Variants in SLC35F1 observed in about 807,000 individuals in gnomAD.
SLC35F1 encodes chromosome 6 open reading frame 169.
Under a neutral mutation model 48.7 loss-of-function variants are expected in SLC35F1, and 14 were observed. That is an observed-to-expected ratio of 0.29 (90% CI 0.19 to 0.45). The LOEUF is 0.45. Ranked by LOEUF, SLC35F1 falls within the 20% of genes least tolerant of loss-of-function variation. SLC35F1 has a pLI of 1.00. For synonymous variants in SLC35F1, 190 were observed against 202.2 expected, an observed-to-expected ratio of 0.94 and a Z score of 0.51; for missense variants, 404 against 500.0, an observed-to-expected ratio of 0.81 and a Z score of 1.83.
At chr6:118,087,378 G>C (rs1773006865) in intron 1 of SLC35F1, among the ~76,000 whole-genome samples, 2 of 152,058 alleles carry the variant, frequency 1.3e-5, no homozygotes, top group South Asian at 2.1e-4. Flanking sequence ...AGGTACTGGG[G>C]GGCTAGGACT....
chr6:118,127,515 T>A (rs899914697), intron 1 of SLC35F1, among the ~76,000 whole-genome samples: 1 of 152,032 alleles, frequency 6.6e-6, no homozygotes, highest in African/African-American at 2.4e-5. Flanking sequence ...CAGGGAGGAT[T>A]CCTATCTGAT....
At chr6:118,177,281 C>T (rs2114504559) in intron 2 of SLC35F1, among the ~76,000 whole-genome samples, 1 of 152,266 alleles carries the variant, frequency 6.6e-6, no homozygotes, top group East Asian at 1.9e-4. Context: ...AAATTAGATA[C>T]TGTCAAGTAT....
At chr6:118,207,082 G>T (rs905616790) in intron 2 of SLC35F1, among the ~76,000 whole-genome samples, 5 of 152,144 alleles carry the variant, frequency 3.3e-5, no homozygotes, top group Admixed American at 1.3e-4. Context: ...GCAAGAGGTA[G>T]CCTTGAGGTA....
intron 1 of SLC35F1, among the ~76,000 whole-genome samples, chr6:117,986,869 T>C (rs1366357026): frequency 6.6e-6 from 1 of 152,190 alleles, no homozygotes; most frequent in African/African-American, 2.4e-5. Context: ...TCCAGCAGCC[T>C]GTGTTGGGCC....
intron 2 of SLC35F1, among the ~76,000 whole-genome samples, chr6:118,234,273 C>T (rs1014254059): frequency 2.0e-5 from 3 of 152,148 alleles, no homozygotes; most frequent in African/African-American, 7.2e-5. Flanking sequence ...GTGGGCTGGA[C>T]TTATTGACCC....
chr6:117,948,662 C>T (rs1406118201), intron 1 of SLC35F1, among the ~76,000 whole-genome samples: 1 of 152,078 alleles, frequency 6.6e-6, no homozygotes, highest in Non-Finnish European at 1.5e-5. Context: ...ACAAATAATA[C>T]AATTGATAAC....
intron 1 of SLC35F1, among the ~76,000 whole-genome samples, chr6:118,047,348 G>A (rs1051143369): frequency 3.9e-5 from 6 of 152,090 alleles, no homozygotes; most frequent in African/African-American, 1.2e-4. Context: ...GGGCATTCCC[G>A]TCACAAATTT....
intron 1 of SLC35F1, among the ~76,000 whole-genome samples, chr6:117,912,302 A>G (rs1322227589): frequency 7.2e-5 from 11 of 152,242 alleles, no homozygotes; most frequent in Non-Finnish European, 1.5e-4. Context: ...CGTTAAGGAT[A>G]TACATAGAAG....
chr6:117,975,277 G>T (rs540632179), intron 1 of SLC35F1, among the ~76,000 whole-genome samples: 19 of 152,300 alleles, frequency 1.2e-4, no homozygotes, highest in Middle Eastern at 3.4e-3. Flanking sequence ...AAAAAAGTTT[G>T]TTGAAGTTAT....
At chr6:118,302,943 G>T (rs1776270942) in intron 7 of SLC35F1, among the ~76,000 whole-genome samples, 1 of 149,022 alleles carries the variant, frequency 6.7e-6, no homozygotes. Flanking sequence ...TTGCGAGAAG[G>T]TAGCAACTGT....
chr6:117,986,895 A>G (rs75541686), intron 1 of SLC35F1, among the ~76,000 whole-genome samples: 2,714 of 152,258 alleles, frequency 0.018, 32 homozygotes, highest in East Asian at 0.031. Context: ...GGCTTAGTTC[A>G]GTTCCTTATC....
intron 1 of SLC35F1, among the ~76,000 whole-genome samples, chr6:118,126,019 C>A (rs2114411327): frequency 6.6e-6 from 1 of 152,190 alleles, no homozygotes; most frequent in African/African-American, 2.4e-5. Flanking sequence ...TTGGAAGTGA[C>A]ACTGGATTAG....
chr6:118,220,072 A>G (rs1050607809), intron 2 of SLC35F1, among the ~76,000 whole-genome samples: 1 of 152,146 alleles, frequency 6.6e-6, no homozygotes, highest in African/African-American at 2.4e-5. Context: ...AATGTAAATG[A>G]CGAGTAATGG....
intron 6 of SLC35F1, among the ~76,000 whole-genome samples, chr6:118,280,803 G>A (rs963385115): frequency 1.3e-4 from 19 of 151,784 alleles, no homozygotes; most frequent in African/African-American, 3.9e-4. Context: ...CCCAGGAGGC[G>A]GAGGTTGCAG....
chr6:118,262,939 A>T (rs73514247), intron 3 of SLC35F1, among the ~76,000 whole-genome samples: 1,536 of 151,776 alleles, frequency 0.01, 27 homozygotes, highest in African/African-American at 0.035. Flanking sequence ...AAATGAATTT[A>T]AAAAAAAACT....
intron 1 of SLC35F1, among the ~76,000 whole-genome samples, chr6:117,959,499 CG>C (rs1776467928): frequency 6.6e-6 from 1 of 152,088 alleles, no homozygotes; most frequent in Non-Finnish European, 1.5e-5. Flanking sequence ...CAATGCTCAG[CG>C]TGTCATATCT....
Position 118,143,572 on chromosome 6 carries a change from A to T in SLC35F1, c.174-10873A>T, listed in dbSNP as rs187173577. Reference sequence around the variant, plus strand: ...ATCCTCTAAACTTTCCAAACTGGAGAATAAACTTCTTAGTCAGAACTTGGG... The same window carrying T: ...ATCCTCTAAACTTTCCAAACTGGAGTATAAACTTCTTAGTCAGAACTTGGG... On this transcript the variant is annotated intron_variant, in intron 1 of 7. Transcript: ENST00000360388. Among the ~76,000 whole-genome samples, 643 of 152,292 alleles carry T rather than the reference A, an allele frequency of 4.2e-3. 7 individuals are homozygous for T. The highest frequency in any genetic ancestry group is 0.015 in the African/African-American group (606 of 41,568).
intron 1 of SLC35F1, among the ~76,000 whole-genome samples, chr6:118,070,845 T>C (rs972366597): frequency 7.0e-6 from 1 of 143,138 alleles, no homozygotes; most frequent in African/African-American, 2.7e-5. Flanking sequence ...ATTCTATGTA[T>C]ATATATACAC....
At chr6:118,187,808 T>C (rs1281860276) in intron 2 of SLC35F1, among the ~76,000 whole-genome samples, 1 of 152,238 alleles carries the variant, frequency 6.6e-6, no homozygotes, top group Non-Finnish European at 1.5e-5. Flanking sequence ...AGCATATAAA[T>C]CATTCACCAT....
Sources: gnomAD v4.1 joint callset for allele counts (sites outside exome capture counted in the v4.1 genomes callset) on GRCh38, gnomAD v4.1.1 for gene constraint, MANE v1.5 for transcripts, NCBI Gene and HGNC (gene_info 2026-07-23, HGNC 2026-07-21) for gene names.